The following PRXL2A variants were observed in gnomAD, a reference collection of about 807,000 sequenced individuals.
PRXL2A encodes peroxiredoxin-like 2A.
In PRXL2A, 26 loss-of-function variants were observed where a neutral mutation model predicts 25.6. The observed-to-expected ratio is 1.02, with a 90% CI of 0.74 to 1.41. The LOEUF (loss-of-function observed/expected upper bound fraction) is 1.41. Among genes scored for constraint, PRXL2A ranks in the 40% most tolerant of loss-of-function variants. PRXL2A has a pLI of 0.00. For synonymous variants in PRXL2A, 98 were observed against 102.9 expected (o/e 0.95, Z 0.29); for missense variants, 246 against 273.9 (o/e 0.90, Z 0.72).
At position 80,420,446 on chromosome 10, in the gene PRXL2A, T is replaced by C; in HGVS notation, c.-2-20T>C. 6.4e-7 allele frequency: 1 copy of C among 1,557,182 alleles called. No homozygotes were observed. The stretch of plus-strand genomic sequence containing the variant: ...CCCTGTGGGAGCAGTAACGCCTTCT[T>C]CCTTCTTCTCAATCTCCAGAAATGT... On this transcript the variant is annotated intron_variant, in intron 1 of 5. Coordinates refer to ENST00000606162, the MANE Select transcript of PRXL2A (RefSeq NM_032333.5).
intron 5 of PRXL2A, among the ~76,000 whole-genome samples, chr10:80,431,595 C>A (rs994216736): frequency 6.6e-6 from 1 of 152,106 alleles, no homozygotes; most frequent in Non-Finnish European, 1.5e-5. Context: ...AAAGTCTAAC[C>A]TCTGAGCTCC....
intron 5 of PRXL2A, among the ~76,000 whole-genome samples, chr10:80,430,250 C>T (rs1490884941): frequency 6.6e-6 from 1 of 151,862 alleles, no homozygotes; most frequent in African/African-American, 2.4e-5. Flanking sequence ...TACAGGTACC[C>T]GCTGCCATGC....
chr10:80,429,523 C>T (rs951895903), intron 5 of PRXL2A, among the ~76,000 whole-genome samples: 9 of 150,628 alleles, frequency 6.0e-5, no homozygotes, highest in African/African-American at 1.7e-4. Context: ...AGACCCTTCC[C>T]GGCCCGGCCC....
At chr10:80,431,304 TTAA>T (rs1305172765) in intron 5 of PRXL2A, among the ~76,000 whole-genome samples, 1 of 151,874 alleles carries the variant, frequency 6.6e-6, no homozygotes, top group African/African-American at 2.4e-5. Flanking sequence ...TTTTTTTTTT[TTAA>T]GTCTTTATAA....
chr10:80,429,723 G>A (rs1237431850), intron 5 of PRXL2A, among the ~76,000 whole-genome samples: 2 of 151,510 alleles, frequency 1.3e-5, no homozygotes, highest in Admixed American at 6.6e-5. Flanking sequence ...GTTTCCCAGC[G>A]ACCACTTCCT....
Position 80,427,255 on chromosome 10 carries a change from C to G in PRXL2A, c.412-77C>G, listed in dbSNP as rs1845072299. The G allele has an allele frequency of 3.8e-6, 5 of 1,325,496 alleles. No homozygotes were observed. In the African/African-American group the frequency reaches 7.3e-5, roughly 19 times the overall value. 82.1% of individuals were successfully genotyped at this position (1,325,496 alleles called of 1,614,324 possible). ...GAGTCTTTGCCTGAGAACCAATGCC[C>G]CGTCAGGAGCGTTTCCTCCTTGAGG... On this transcript the variant is annotated intron_variant, in intron 4 of 5. Transcript: ENST00000606162.
intron 1 of PRXL2A, among the ~76,000 whole-genome samples, chr10:80,416,923 C>T (rs1263754266): frequency 1.3e-5 from 2 of 148,434 alleles, no homozygotes; most frequent in Non-Finnish European, 3.0e-5. Flanking sequence ...CAGCACAGGT[C>T]CCTCATGTCA....
chr10:80,420,264 C>T, intron 1 of PRXL2A: 2 of 1,315,036 alleles, frequency 1.5e-6, no homozygotes, highest in Non-Finnish European at 1.9e-6. Context: ...GGTGCAGGAA[C>T]CTCCATGTGT....
upstream of PRXL2A, among the ~76,000 whole-genome samples, chr10:80,408,196 G>C (rs1210033704): frequency 6.6e-6 from 1 of 150,794 alleles, no homozygotes; most frequent in Non-Finnish European, 1.5e-5. Flanking sequence ...CCTATCAAAA[G>C]AGCTATTCAA....
chr10:80,429,375 A>G (rs891589292), intron 5 of PRXL2A, among the ~76,000 whole-genome samples: 1 of 152,210 alleles, frequency 6.6e-6, no homozygotes, highest in East Asian at 1.9e-4. Flanking sequence ...CCTCACAACC[A>G]GTCTAGGATG....
intron 1 of PRXL2A, among the ~76,000 whole-genome samples, chr10:80,414,401 A>AG (rs1317204225): frequency 1.3e-5 from 2 of 152,162 alleles, no homozygotes; most frequent in Non-Finnish European, 2.9e-5. Flanking sequence ...GGGGATAGAA[A>AG]GGGGGAGGAA....
rs1406926560 is a variant in PRXL2A at position 80,420,551 on chromosome 10, A to G, written c.84A>G (p.Ala28=). Residue 28 remains alanine, a synonymous_variant, in exon 2 of 6, where the codon GCA becomes GCG. Coordinates refer to ENST00000606162, the MANE Select transcript of PRXL2A (RefSeq NM_032333.5). ...GAGALGAAAL[A]LLLANTDVFL... Reference sequence around the variant, plus strand: ...GAGCCCTGGGGGCTGCTGCCTTGGCATTGCTGCTTGCCAACACAGACGTGT... The same window carrying G: ...GAGCCCTGGGGGCTGCTGCCTTGGCGTTGCTGCTTGCCAACACAGACGTGT... The G allele has an allele frequency of 2.5e-6, 4 of 1,613,884 alleles. No homozygotes were observed.
chr10:80,431,220 A>G (rs1384499519), intron 5 of PRXL2A, among the ~76,000 whole-genome samples: 3 of 151,594 alleles, frequency 2.0e-5, no homozygotes, highest in Non-Finnish European at 4.4e-5. Flanking sequence ...TAATGTCTGT[A>G]TTATGGTTTA....
chr10:80,420,735 A>G (rs1844834946), intron 2 of PRXL2A, 90 bp downstream of exon 2: 3 of 1,013,482 alleles, frequency 3.0e-6, no homozygotes, highest in African/African-American at 1.7e-5. Context: ...CCTTTTTTTA[A>G]TTGAAAAGAT....
chr10:80,426,669 T>G (rs1845052245), intron 4 of PRXL2A, among the ~76,000 whole-genome samples: 2 of 152,202 alleles, frequency 1.3e-5, no homozygotes. Context: ...CCTTAATTCA[T>G]TTATTTCTTT....
chr10:80,413,791 TC>T (rs1236619277), intron 1 of PRXL2A: 1 of 1,054,606 alleles, frequency 9.5e-7, no homozygotes, highest in Non-Finnish European at 1.2e-6. Context: ...CCTCCAGCCC[TC>T]CCCTTGCCGC....
At chr10:80,428,590 A>C (rs147846384) in intron 5 of PRXL2A, among the ~76,000 whole-genome samples, 4,610 of 151,654 alleles carry the variant, frequency 0.03, 230 homozygotes, top group African/African-American at 0.1. Context: ...ATTTGCTTGA[A>C]CCCAGGAGGC....
intron 5 of PRXL2A, among the ~76,000 whole-genome samples, chr10:80,430,806 G>T (rs776330948): frequency 2.0e-5 from 3 of 152,108 alleles, no homozygotes; most frequent in Non-Finnish European, 2.9e-5. Flanking sequence ...CTAGAAAATT[G>T]TACTAGATGT....
At chr10:80,422,359 C>A in intron 2 of PRXL2A, 58 bp from the exon 3 acceptor site, 1 of 1,393,530 alleles carries the variant, frequency 7.2e-7, no homozygotes, top group Non-Finnish European at 1.0e-6. Flanking sequence ...TCATGAGCTG[C>A]TTAGTGATTG....
Sources: gnomAD v4.1 joint callset for allele counts (sites outside exome capture counted in the v4.1 genomes callset) on GRCh38, gnomAD v4.1.1 for gene constraint, MANE v1.5 for transcripts, NCBI Gene and HGNC (gene_info 2026-07-23, HGNC 2026-07-21) for gene names.